HSF2BP: variants seen among roughly 807,000 people sequenced by gnomAD.
The protein encoded by HSF2BP is heat shock transcription factor 2 binding protein, also known as heat shock factor 2-binding protein.
In HSF2BP, 35 loss-of-function variants were observed where a neutral mutation model predicts 35.0. The ratio of observed to expected loss-of-function variants is 1.00; its 90% CI spans 0.76 to 1.32. The LOEUF (loss-of-function observed/expected upper bound fraction) is 1.32, where lower values mean the gene tolerates loss of function less well. HSF2BP is among the 40% of genes most tolerant of loss of function. The pLI, the probability that HSF2BP is intolerant of heterozygous loss-of-function variation, is 0.00. For missense variants in HSF2BP, 326 were observed against 321.7 expected, an observed-to-expected ratio of 1.01 and a Z score of -0.10; for synonymous variants, 114 against 117.4, an observed-to-expected ratio of 0.97 and a Z score of 0.18.
chr21:43,637,100 C>A (rs1174123366), intron 4 of HSF2BP, among the ~76,000 whole-genome samples: 2 of 151,602 alleles, frequency 1.3e-5, no homozygotes, highest in Non-Finnish European at 2.9e-5. Flanking sequence ...ACCAGCCTGG[C>A]CAACATGGCG....
intron 8 of HSF2BP, among the ~76,000 whole-genome samples, chr21:43,576,680 C>T (rs944553912): frequency 6.6e-6 from 1 of 152,188 alleles, no homozygotes; most frequent in Non-Finnish European, 1.5e-5. Flanking sequence ...AAATACGCTG[C>T]AAAATCTTGA....
chr21:43,658,860 C>T (rs1421212134), intron 1 of HSF2BP, among the ~76,000 whole-genome samples: 1 of 152,168 alleles, frequency 6.6e-6, no homozygotes, highest in African/African-American at 2.4e-5. Flanking sequence ...GAGCCCTCCA[C>T]CCGCTCAACA....
chr21:43,649,351 T>C (rs1259498912), intron 3 of HSF2BP, among the ~76,000 whole-genome samples: 1 of 151,970 alleles, frequency 6.6e-6, no homozygotes, highest in Admixed American at 6.6e-5. Context: ...GAGAATGGCA[T>C]GAACCAGGAA....
intron 8 of HSF2BP, among the ~76,000 whole-genome samples, chr21:43,576,606 A>C (rs1482269286): frequency 6.6e-6 from 1 of 152,240 alleles, no homozygotes; most frequent in Non-Finnish European, 1.5e-5. Context: ...ATTGATGAAA[A>C]GCTTGCCTTG....
intron 5 of HSF2BP, among the ~76,000 whole-genome samples, chr21:43,632,928 T>C (rs56183310): frequency 6.6e-6 from 1 of 152,174 alleles, no homozygotes; most frequent in African/African-American, 2.4e-5. Context: ...CATACATGTA[T>C]ATATGTTAGA....
intron 8 of HSF2BP, among the ~76,000 whole-genome samples, chr21:43,586,869 T>C (rs982954632): frequency 6.6e-6 from 1 of 152,236 alleles, no homozygotes; most frequent in East Asian, 1.9e-4. Context: ...GGCACGATCT[T>C]GGCTCACTGC....
intron 7 of HSF2BP, among the ~76,000 whole-genome samples, chr21:43,611,220 T>C (rs1468015677): frequency 6.6e-6 from 1 of 152,122 alleles, no homozygotes; most frequent in East Asian, 1.9e-4. Context: ...TGCTCCAGCC[T>C]GGGTTACAAA....
At chr21:43,590,020 T>C (rs2081906506) in intron 8 of HSF2BP, among the ~76,000 whole-genome samples, 2 of 152,188 alleles carry the variant, frequency 1.3e-5, no homozygotes, top group Admixed American at 6.5e-5. Flanking sequence ...AGAAAAAGAA[T>C]TATAAACTTT....
chr21:43,650,293 G>A lies in HSF2BP; in HGVS notation c.188-5901C>T, dbSNP rs563150896. Among the ~76,000 whole-genome samples, 8 of 152,078 alleles carry A rather than the reference G, an allele frequency of 5.3e-5. No individual in the cohort carries two copies. The East Asian group carries it at 9.7e-4, about 18-fold the overall frequency. On this transcript the variant is annotated intron_variant, in intron 3 of 8. Coordinates refer to ENST00000291560, the MANE Select transcript of HSF2BP (RefSeq NM_007031.2). ...GCGATCTCGGCTCACTGCAAGCTCC[G>A]CCTCTGGGGTTCACACCATTCTCCT...
chr21:43,612,732 G>A (rs1367266292), intron 7 of HSF2BP, among the ~76,000 whole-genome samples: 2 of 152,002 alleles, frequency 1.3e-5, no homozygotes, highest in Non-Finnish European at 2.9e-5. Flanking sequence ...AGGAGGCTGA[G>A]GTGGAAGGAT....
rs34578952 is a variant in HSF2BP at position 43,636,894 on chromosome 21, C to CA, written c.292-3474dup. ...GCGAGAGCGAAACCCCGTCTCAAAA[C>CA]AAAAAAAAAAAAAAAAAAAAGAAAT... On this transcript the variant is annotated intron_variant, in intron 4 of 8. Transcript: ENST00000291560. 2.2e-3 allele frequency among the ~76,000 whole-genome samples: 252 copies of CA among 112,038 alleles called. 2 individuals carry two copies. The highest frequency in any genetic ancestry group is 3.2e-3 in the African/African-American group (97 of 30,788). The allele number at this position is 112,038 out of a possible 152,430, so 73.5% of individuals were successfully genotyped here. A position where few individuals can be genotyped will look rare whatever the true frequency, so the allele number is the denominator to read the frequency against.
At chr21:43,640,613 T>TA (rs1468001780) in intron 4 of HSF2BP, among the ~76,000 whole-genome samples, 1 of 152,242 alleles carries the variant, frequency 6.6e-6, no homozygotes, top group African/African-American at 2.4e-5. Context: ...TGAAAGTTGT[T>TA]AATTGTACCA....
intron 7 of HSF2BP, among the ~76,000 whole-genome samples, chr21:43,601,115 C>G (rs529942122): frequency 6.6e-6 from 1 of 152,274 alleles, no homozygotes; most frequent in African/African-American, 2.4e-5. Flanking sequence ...ATTTTCTGTA[C>G]AAGCATCCTG....
rs1232591355 is a variant in HSF2BP at position 43,658,827 on chromosome 21, C to T, written c.-224-507G>A. ...TAGGGGCGCACCGATCTGCCCAAGC[C>T]TCTGCAGGCACTGGAGGAAGGCGAG... On this transcript the variant is annotated intron_variant, in intron 1 of 8. Coordinates refer to ENST00000291560, the MANE Select transcript of HSF2BP (RefSeq NM_007031.2). 6.6e-5 allele frequency among the ~76,000 whole-genome samples: 10 copies of T among 152,220 alleles called. No individual in the cohort carries two copies. In the East Asian group the frequency reaches 1.9e-3, roughly 29 times the overall value.
chr21:43,588,250 C>T (rs1294228316), intron 8 of HSF2BP, among the ~76,000 whole-genome samples: 1 of 151,916 alleles, frequency 6.6e-6, no homozygotes, highest in Non-Finnish European at 1.5e-5. Context: ...TAGTGGCAGG[C>T]ACCTGTAATT....
chr21:43,657,920 A>C, intron 2 of HSF2BP, 141 bp downstream of exon 2: 3 of 1,468,364 alleles, frequency 2.0e-6, no homozygotes, highest in Non-Finnish European at 2.7e-6. Flanking sequence ...GGCCCAGCCC[A>C]CGCCGTTAGG....
intron 8 of HSF2BP, among the ~76,000 whole-genome samples, chr21:43,582,359 G>C (rs1295657753): frequency 3.5e-5 from 5 of 140,914 alleles, no homozygotes; most frequent in Admixed American, 3.4e-4. Context: ...GGGAGATGAA[G>C]ACCTGCTGTG....
At chr21:43,617,958 A>G (rs2082289680) in intron 6 of HSF2BP, among the ~76,000 whole-genome samples, 1 of 152,130 alleles carries the variant, frequency 6.6e-6, no homozygotes, top group Middle Eastern at 3.4e-3. Flanking sequence ...AGTCTCAAAC[A>G]AAAAAGGAAA....
At chr21:43,584,677 C>T (rs1402310943) in intron 8 of HSF2BP, among the ~76,000 whole-genome samples, 2 of 152,328 alleles carry the variant, frequency 1.3e-5, no homozygotes, top group African/African-American at 4.8e-5. Context: ...AACCAGCCTA[C>T]TAATTCTCAG....
Sources: allele counts gnomAD v4.1 joint callset (sites outside exome capture counted in the v4.1 genomes callset), GRCh38; gene constraint gnomAD v4.1.1; transcripts MANE v1.5; gene names NCBI Gene and HGNC (gene_info 2026-07-23, HGNC 2026-07-21).